Variants in FMN2 observed in about 807,000 individuals in gnomAD.
FMN2 encodes formin 2.
FMN2 carries 51 observed loss-of-function variants against 142.3 expected under a neutral mutation model. That is an observed-to-expected ratio of 0.36 (90% confidence interval 0.29 to 0.45). FMN2 has a LOEUF of 0.45. FMN2 is among the 20% of genes least tolerant of loss of function. FMN2 has a pLI of 1.00. For missense variants in FMN2, 1,936 were observed against 2,122.8 expected (o/e 0.91, Z 1.73); for synonymous variants, 882 against 869.8 (o/e 1.01, Z -0.25).
In FMN2 at chr1:240,219,456, T is replaced by C. The variant is rs534017727; in HGVS notation, c.4065+8221T>C. Among the ~76,000 whole-genome samples the C allele has an allele frequency of 2.7e-3, 412 of 152,268 alleles. 3 individuals carry two copies. In the South Asian group the frequency reaches 0.027, roughly 10 times the overall value. ...CTGGTGATGACACTAGTCAGATTAT[T>C]CACAACCAAACTTCGTGTGACCTAA... On this transcript the variant is annotated intron_variant, in intron 6 of 17. Coordinates refer to ENST00000319653, the MANE Select transcript of FMN2 (RefSeq NM_020066.5).
intron 6 of FMN2, among the ~76,000 whole-genome samples, chr1:240,214,480 A>G (rs1572074607): frequency 6.6e-6 from 1 of 150,988 alleles, no homozygotes; most frequent in Non-Finnish European, 1.5e-5. Flanking sequence ...GAACCCGGGA[A>G]GCAGAGGTTG....
intron 2 of FMN2, among the ~76,000 whole-genome samples, chr1:240,173,398 A>G (rs1664790109): frequency 6.6e-6 from 1 of 152,212 alleles, no homozygotes; most frequent in African/African-American, 2.4e-5. Context: ...ATAGTACACC[A>G]TTAAGTGTTG....
intron 14 of FMN2, among the ~76,000 whole-genome samples, chr1:240,382,561 C>T (rs774039559): frequency 2.6e-5 from 4 of 151,576 alleles, no homozygotes; most frequent in Admixed American, 2.0e-4. Context: ...CTCAGGAGGC[C>T]GAGGCAGGAG....
In FMN2 at chr1:240,143,163, A is replaced by G. The variant is rs112879355; in HGVS notation, c.1782+19818A>G. 23 of 1,579,152 alleles carry G rather than the reference A, an allele frequency of 1.5e-5. No individual in the cohort carries two copies. In the African/African-American group the frequency reaches 2.0e-4, roughly 14 times the overall value. On this transcript the variant is annotated intron_variant, in intron 2 of 17. Transcript: ENST00000319653. ...ATGATATTGAGCTAACTGGCGCAAC[A>G]TTGCAGCCAGACGGGCATTATTGGT...
intron 1 of FMN2, among the ~76,000 whole-genome samples, chr1:240,121,678 C>T (rs967948273): frequency 2.8e-5 from 4 of 143,660 alleles, no homozygotes; most frequent in African/African-American, 5.1e-5. Flanking sequence ...GGTGAGCCAC[C>T]GCGCCTGGCC....
intron 10 of FMN2, among the ~76,000 whole-genome samples, chr1:240,329,887 C>T (rs940245042): frequency 6.6e-6 from 1 of 152,002 alleles, no homozygotes; most frequent in African/African-American, 2.4e-5. Context: ...TAGGAACAGC[C>T]ATATGACTCA....
At chr1:240,287,424 C>T (rs1669627102) in intron 7 of FMN2, among the ~76,000 whole-genome samples, 1 of 152,148 alleles carries the variant, frequency 6.6e-6, no homozygotes, top group African/African-American at 2.4e-5. Flanking sequence ...TATACTCTGC[C>T]AGTGAAAAGA....
intron 15 of FMN2, among the ~76,000 whole-genome samples, chr1:240,394,305 A>G (rs1673701713): frequency 6.6e-6 from 1 of 152,198 alleles, no homozygotes; most frequent in Non-Finnish European, 1.5e-5. Flanking sequence ...AAATTAAATC[A>G]TAAACATCAG....
At chr1:240,201,958 G>A (rs1666140914) in intron 4 of FMN2, among the ~76,000 whole-genome samples, 1 of 152,158 alleles carries the variant, frequency 6.6e-6, no homozygotes, top group Admixed American at 6.5e-5. Flanking sequence ...TAAAACTTTT[G>A]AGGCCACCAT....
At chr1:240,448,876 C>T (rs192161816) in intron 16 of FMN2, among the ~76,000 whole-genome samples, 2 of 152,158 alleles carry the variant, frequency 1.3e-5, no homozygotes, top group Admixed American at 6.5e-5. Context: ...GGTAGGGTGG[C>T]TCACACCTGT....
chr1:240,466,615 G>C (rs924382950), intron 16 of FMN2, among the ~76,000 whole-genome samples: 3 of 152,098 alleles, frequency 2.0e-5, no homozygotes, highest in Non-Finnish European at 2.9e-5. Flanking sequence ...CACAAACTCT[G>C]TCATTACCAA....
intron 14 of FMN2, among the ~76,000 whole-genome samples, chr1:240,367,565 G>C (rs370617211): frequency 6.6e-6 from 1 of 151,766 alleles, no homozygotes; most frequent in Non-Finnish European, 1.5e-5. Flanking sequence ...TCAGGAGATC[G>C]AGACCATCCT....
chr1:240,249,771 C>T (rs1235995004), intron 6 of FMN2, among the ~76,000 whole-genome samples: 5 of 152,046 alleles, frequency 3.3e-5, no homozygotes, highest in Non-Finnish European at 7.4e-5. Context: ...TCTTCAATTT[C>T]TTTCATCAAT....
chr1:240,414,553 A>G (rs1412903181), intron 15 of FMN2, among the ~76,000 whole-genome samples: 4 of 152,336 alleles, frequency 2.6e-5, no homozygotes, highest in African/African-American at 9.6e-5. Context: ...GCTGCTATTC[A>G]GTTCTGCCAA....
intron 14 of FMN2, among the ~76,000 whole-genome samples, chr1:240,362,266 C>T (rs969983846): frequency 1.3e-5 from 2 of 152,116 alleles, no homozygotes; most frequent in South Asian, 4.1e-4. Context: ...GACAAGAAAC[C>T]ATATGTGACA....
chr1:240,184,596 T>C (rs982388428), intron 3 of FMN2, among the ~76,000 whole-genome samples: 1 of 150,934 alleles, frequency 6.6e-6, no homozygotes, highest in Non-Finnish European at 1.5e-5. Context: ...CCATTTTAAA[T>C]GTACCCTTGA....
chr1:240,350,271 A>G (rs975796923), intron 13 of FMN2, among the ~76,000 whole-genome samples: 6 of 152,228 alleles, frequency 3.9e-5, no homozygotes, highest in African/African-American at 1.4e-4. Flanking sequence ...CAGGTTTTAT[A>G]TCACACTGAG....
intron 1 of FMN2, among the ~76,000 whole-genome samples, chr1:240,118,428 A>C (rs1443135898): frequency 6.6e-6 from 1 of 152,130 alleles, no homozygotes; most frequent in Non-Finnish European, 1.5e-5. Flanking sequence ...GTCTGGGAAC[A>C]GGATAGTGTG....
intron 16 of FMN2, among the ~76,000 whole-genome samples, chr1:240,449,166 G>A (rs1330180237): frequency 1.3e-5 from 2 of 151,524 alleles, no homozygotes; most frequent in Non-Finnish European, 2.9e-5. Flanking sequence ...AGTGGTTAAA[G>A]TACATAAGAA....
Sources: allele counts gnomAD v4.1 joint callset (sites outside exome capture counted in the v4.1 genomes callset), GRCh38; gene constraint gnomAD v4.1.1; transcripts MANE v1.5; gene names NCBI Gene and HGNC (gene_info 2026-07-23, HGNC 2026-07-21).